RADIL: variants seen among roughly 807,000 people sequenced by gnomAD.
RADIL encodes ras-associating and dilute domain-containing protein.
Under a neutral mutation model 97.6 loss-of-function variants are expected in RADIL, and 99 were observed. The ratio of observed to expected loss-of-function variants is 1.01; its 90% CI spans 0.86 to 1.20. The LOEUF (loss-of-function observed/expected upper bound fraction) is 1.20, where lower values mean the gene tolerates loss of function less well. Ranked by LOEUF, RADIL falls within the 50% of genes most tolerant of loss-of-function variation. RADIL has a pLI of 0.00. For synonymous variants in RADIL, 803 were observed against 691.8 expected (o/e 1.16, Z -2.52); for missense variants, 1,765 against 1,498.9 (o/e 1.18, Z -2.93).
At chr7:4,829,894 G>A (rs986961411) in intron 5 of RADIL, among the ~76,000 whole-genome samples, 2 of 152,110 alleles carry the variant, frequency 1.3e-5, no homozygotes, top group South Asian at 4.1e-4. Flanking sequence ...CCCAGTCTCG[G>A]ATATGTCTTT....
chr7:4,801,978 G>T lies in RADIL; in HGVS notation c.2517C>A (p.Val839=), dbSNP rs376136672. 232 of 1,543,226 alleles carry T rather than the reference G, an allele frequency of 1.5e-4. No homozygotes were observed. The highest frequency in any genetic ancestry group is 1.1e-3 in the Middle Eastern group (6 of 5,278). The change falls in exon 12 of 15, where the codon GTC becomes GTA. Residue 839 remains valine (V), a synonymous_variant. Transcript: ENST00000399583. ...PVCPEGMHHV[V]LDGHLEAPSC... ...TCGGGGCCTCCAGGTGCCCGTCAAG[G>T]ACCACGTGGTGCATACCCTAGGGAG...
intron 9 of RADIL, chr7:4,809,076 C>A (rs1470933177): frequency 4.1e-5 from 40 of 983,564 alleles, no homozygotes; most frequent in Non-Finnish European, 4.2e-5. Context: ...TGCCCCTCCG[C>A]GTCTCCTGTA....
At chr7:4,866,977 GT>G (rs1784145325) in intron 2 of RADIL, among the ~76,000 whole-genome samples, 1 of 152,120 alleles carries the variant, frequency 6.6e-6, no homozygotes, top group Non-Finnish European at 1.5e-5. Flanking sequence ...CACCCCTCAG[GT>G]TTCCCTCTTT....
At chr7:4,857,011 G>A (rs183840900) in intron 2 of RADIL, among the ~76,000 whole-genome samples, 13 of 152,306 alleles carry the variant, frequency 8.5e-5, no homozygotes, top group East Asian at 1.9e-4. Context: ...CCACTACACC[G>A]GACTGTGTTC....
chr7:4,877,566 C>G, intron 2 of RADIL, 39 bp downstream of exon 2: 1 of 1,555,132 alleles, frequency 6.4e-7, no homozygotes, highest in Non-Finnish European at 8.7e-7. Context: ...TCTCAGCGCT[C>G]AGACCCACGG....
At chr7:4,841,559 C>T (rs1239513332) in intron 2 of RADIL, among the ~76,000 whole-genome samples, 1 of 152,192 alleles carries the variant, frequency 6.6e-6, no homozygotes, top group Non-Finnish European at 1.5e-5. Flanking sequence ...AGCCGGCGGG[C>T]GCGGGTCTCC....
chr7:4,836,649 G>C, intron 2 of RADIL, 44 bp from the exon 3 acceptor site: 1 of 1,600,556 alleles, frequency 6.2e-7, no homozygotes, highest in Non-Finnish European at 8.5e-7. Context: ...AAGTCTCATA[G>C]CACCAGGACT....
Position 4,872,392 on chromosome 7 carries a change from C to T in RADIL, c.535+5213G>A, listed in dbSNP as rs545858950. On this transcript the variant is annotated intron_variant, in intron 2 of 14. Transcript: ENST00000399583. The surrounding 1 kb of genome is among the most constrained non-coding windows in gnomAD (Gnocchi z 5.8). ...GGAGAAAGCAAGGAAGGCCAGCCCTCCCCGGGCTCTGCGCGGGTTTAACAC... is the reference window on the plus strand; with the variant it reads ...GGAGAAAGCAAGGAAGGCCAGCCCTTCCCGGGCTCTGCGCGGGTTTAACAC... Among the ~76,000 whole-genome samples, 1 of 152,324 alleles carries T rather than the reference C, an allele frequency of 6.6e-6. No individual in the cohort carries two copies. The highest frequency in any genetic ancestry group is 1.9e-4 in the East Asian group (1 of 5,182).
chr7:4,860,505 T>C, intron 2 of RADIL: 1 of 1,614,156 alleles, frequency 6.2e-7, no homozygotes, highest in Non-Finnish European at 8.5e-7. Flanking sequence ...ACCCACATTG[T>C]ACGAAATTCT....
In RADIL at chr7:4,809,640, G is replaced by T. The variant is rs974119076; in HGVS notation, c.2140-3924C>A. 77 of 979,938 alleles carry T rather than the reference G, an allele frequency of 7.9e-5. 2 individuals carry two copies. Among genetic ancestry groups the T allele is most frequent in the Middle Eastern group, 5.3e-4 (1 of 1,904 alleles). 60.7% of individuals were successfully genotyped at this position (979,938 alleles called of 1,614,324 possible). A position where few individuals can be genotyped will look rare whatever the true frequency, so the allele number is the denominator to read the frequency against. On this transcript the variant is annotated intron_variant, in intron 9 of 14. Transcript: ENST00000399583. ...CCTTCAGCTCAACCTGCCCTTTCAGGAGTATTTTACATCTTATTTTATTTA... is the reference window on the plus strand; with the variant it reads ...CCTTCAGCTCAACCTGCCCTTTCAGTAGTATTTTACATCTTATTTTATTTA...
intron 10 of RADIL, 68 bp from the exon 11 acceptor site, chr7:4,803,822 C>A: frequency 7.0e-7 from 1 of 1,420,526 alleles, no homozygotes; most frequent in Non-Finnish European, 9.7e-7. Flanking sequence ...GCCGCCCCGC[C>A]CAACGGTGTG....
intron 2 of RADIL, 112 bp downstream of exon 2, chr7:4,877,493 A>T: frequency 8.2e-7 from 1 of 1,221,940 alleles, no homozygotes; most frequent in Non-Finnish European, 1.1e-6. Context: ...TGCCTCCTGC[A>T]GAGCGAGCCC....
Position 4,801,629 on chromosome 7 carries a change from G to A in RADIL, c.2842+24C>T, listed in dbSNP as rs367807166. ...TGTGCGGGGTCTGGGGTGGGTTCCC[G>A]CCTGAGCACCAGGCAGGGCTCACCT... On this transcript the variant is annotated intron_variant, in intron 12 of 14. Transcript: ENST00000399583. 3.6e-5 allele frequency: 57 copies of A among 1,568,682 alleles called. 1 individual carries two copies. Among genetic ancestry groups the A allele is most frequent in the South Asian group, 2.2e-4 (19 of 86,208 alleles).
chr7:4,825,368 A>G (rs1216720787), intron 5 of RADIL, among the ~76,000 whole-genome samples: 1 of 152,194 alleles, frequency 6.6e-6, no homozygotes, highest in Non-Finnish European at 1.5e-5. Flanking sequence ...GCCCACAAGG[A>G]GCACAGAGAC....
intron 2 of RADIL, among the ~76,000 whole-genome samples, chr7:4,851,867 G>T (rs946733720): frequency 6.6e-5 from 10 of 152,242 alleles, no homozygotes; most frequent in African/African-American, 2.4e-4. Flanking sequence ...AAAACCAAGT[G>T]TGGGTCTGGA....
At chr7:4,843,393 C>T (rs1783494837) in intron 2 of RADIL, among the ~76,000 whole-genome samples, 1 of 152,090 alleles carries the variant, frequency 6.6e-6, no homozygotes, top group South Asian at 2.1e-4. Flanking sequence ...CTGCAAAACA[C>T]AGAGGTCAGA....
At chr7:4,804,045 CTG>C in intron 10 of RADIL, 1 of 460,678 alleles carries the variant, frequency 2.2e-6, no homozygotes, top group Non-Finnish European at 4.1e-6. Context: ...TGCACTGGGC[CTG>C]TCTCTGCCCC....
chr7:4,807,996 T>TC (rs1782393169), intron 9 of RADIL, among the ~76,000 whole-genome samples: 1 of 70,128 alleles, frequency 1.4e-5, no homozygotes, highest in Non-Finnish European at 2.7e-5. Flanking sequence ...CCTGTCTCTC[T>TC]CCCCTCCCTC....
chr7:4,866,724 C>A (rs1784139242), intron 2 of RADIL, among the ~76,000 whole-genome samples: 1 of 152,164 alleles, frequency 6.6e-6, no homozygotes, highest in Non-Finnish European at 1.5e-5. Flanking sequence ...GTGAGGAGAG[C>A]AGCACAGTCA....
Sources: gnomAD v4.1 joint callset for allele counts (sites outside exome capture counted in the v4.1 genomes callset) on GRCh38, gnomAD v4.1.1 for gene constraint, Gnocchi (gnomAD v3.1) non-coding constraint, MANE v1.5 for transcripts, NCBI Gene and HGNC (gene_info 2026-07-23, HGNC 2026-07-21) for gene names.